Variants in LINC00632 observed in about 807,000 individuals in gnomAD.
LINC00632 encodes long independently transcribed non-coding RNA 632.
chrX:140,714,149 C>T (rs1319145223), intron 2 of LINC00632: 1 of 173,295 alleles, frequency 5.8e-6, no homozygotes, highest in African/African-American at 3.0e-5. Flanking sequence ...ATGAAACAGA[C>T]TTTCCCGAGA....
intron 2 of LINC00632, among the ~76,000 whole-genome samples, chrX:140,712,851 G>C (rs888989308): frequency 1.9e-5 from 2 of 107,275 alleles, no homozygotes; most frequent in African/African-American, 6.9e-5. Context: ...TACTGATTCT[G>C]GGGGGGAAAA....
chrX:140,713,329 T>C (rs1365479753), intron 2 of LINC00632, among the ~76,000 whole-genome samples: 1 of 110,773 alleles, frequency 9.0e-6, no homozygotes, highest in Non-Finnish European at 1.9e-5. Flanking sequence ...GGAATCATAA[T>C]AGTATGAGAA....
At chrX:140,736,555 G>A (rs1931147857) in intron 3 of LINC00632, among the ~76,000 whole-genome samples, 1 of 104,439 alleles carries the variant, frequency 9.6e-6, no homozygotes, top group South Asian at 4.6e-4. Flanking sequence ...TCCTGCCTCA[G>A]CCTCCCGAGT....
intron 2 of LINC00632, among the ~76,000 whole-genome samples, chrX:140,718,259 G>A (rs753500315): frequency 3.6e-5 from 4 of 111,243 alleles, no homozygotes; most frequent in East Asian, 2.8e-4. Flanking sequence ...TACTCCACAC[G>A]AAATTGGACC....
chrX:140,710,005 G>C (rs1178457421), intron 1 of LINC00632, among the ~76,000 whole-genome samples: 1 of 112,004 alleles, frequency 8.9e-6, no homozygotes, highest in Admixed American at 9.5e-5. Context: ...CTTAAATGAT[G>C]GAGTTGCTAG....
At chrX:140,789,842 C>G (rs911438160) in exon 5 of LINC00632, among the ~76,000 whole-genome samples, 2 of 108,833 alleles carry the variant, frequency 1.8e-5, no homozygotes, top group South Asian at 3.9e-4. Flanking sequence ...GATATTGGAG[C>G]TGATATCCTT....
chrX:140,759,336 CCTTCCTTCCTTTCTTT>C (rs1447619132), intron 3 of LINC00632, among the ~76,000 whole-genome samples: 452 of 43,804 alleles, frequency 0.01, 7 homozygotes, highest in African/African-American at 0.027. Context: ...TTCCTTCCTT[CCTTCCTTCCTTTCTTT>C]CTTTCTTTCT....
At chrX:140,763,994 A>G (rs1487890599) in intron 3 of LINC00632, among the ~76,000 whole-genome samples, 2 of 111,040 alleles carry the variant, frequency 1.8e-5, no homozygotes, top group Non-Finnish European at 3.8e-5. Flanking sequence ...GCCGTTTCAC[A>G]ACAGAAACTC....
At chrX:140,724,346 TAC>T (rs1438800703) in intron 2 of LINC00632, among the ~76,000 whole-genome samples, 13 of 52,728 alleles carry the variant, frequency 2.5e-4, no homozygotes, top group African/African-American at 9.6e-4. Context: ...TCCATACACA[TAC>T]ACAGACATGC....
At chrX:140,718,076 C>T (rs936071172) in intron 2 of LINC00632, among the ~76,000 whole-genome samples, 7 of 110,322 alleles carry the variant, frequency 6.3e-5, no homozygotes, top group African/African-American at 1.3e-4. Context: ...GCAGAGGTTG[C>T]GGTGAGCCAA....
chrX:140,718,168 T>C (rs760237880), intron 2 of LINC00632, among the ~76,000 whole-genome samples: 1 of 110,761 alleles, frequency 9.0e-6, no homozygotes, highest in East Asian at 2.9e-4. Context: ...AATGAGTTAA[T>C]GCCTATAAAG....
chrX:140,729,912 T>C (rs113744385), intron 2 of LINC00632, among the ~76,000 whole-genome samples: 4,283 of 102,819 alleles, frequency 0.042, 304 homozygotes, highest in African/African-American at 0.15. Context: ...GAGTCTTGCT[T>C]TGTCACCAGG....
At chrX:140,743,819 AC>A (rs1482231520) in intron 3 of LINC00632, among the ~76,000 whole-genome samples, 1 of 110,817 alleles carries the variant, frequency 9.0e-6, no homozygotes, top group Non-Finnish European at 1.9e-5. Flanking sequence ...CTTTCCCTCC[AC>A]CTCCTCCTCT....
rs139383933 is a variant in LINC00632, at chrX:140,783,916, G to A, written n.11935G>A. On this transcript the variant is annotated non_coding_transcript_exon_variant, in exon 5 of 5. Coordinates refer to ENST00000648200, the Ensembl canonical transcript of LINC00632. ...AATTTGGGTCTTCCTGAAAATCTAC[G>A]TCTTCCAAAAAAGCCATGTCTTCCA... 8.9e-5 allele frequency: 107 copies of A among 1,207,697 alleles called. 1 individual carries two copies. The highest frequency in any genetic ancestry group is 3.4e-4 in the South Asian group (19 of 56,165).
intron 3 of LINC00632, among the ~76,000 whole-genome samples, chrX:140,762,156 A>ATCATCAC (rs1339914452): frequency 2.7e-5 from 3 of 109,621 alleles, no homozygotes; most frequent in Non-Finnish European, 5.7e-5. Context: ...TACTATTATA[A>ATCATCAC]TCATCACTGT....
In LINC00632 at chrX:140,761,355, G is replaced by C. The variant is rs6636113; in HGVS notation, n.192-10723G>C. Among the ~76,000 whole-genome samples the C allele has an allele frequency of 1.6e-3, 180 of 111,236 alleles. 1 individual carries two copies. Among genetic ancestry groups the C allele is most frequent in the African/African-American group, 5.8e-3 (177 of 30,729 alleles). The stretch of plus-strand genomic sequence containing the variant: ...TGTTACAAGACAGAGACATCTTAGT[G>C]AGTACTGGAAACACCCACAAATCTT... On this transcript the variant is annotated intron_variant and non_coding_transcript_variant, in intron 3 of 4. Transcript: ENST00000648200.
At chrX:140,739,511 AC>A (rs1931194017) in intron 3 of LINC00632, among the ~76,000 whole-genome samples, 1 of 110,541 alleles carries the variant, frequency 9.0e-6, no homozygotes, top group Non-Finnish European at 1.9e-5. Context: ...GTAAGCCGCC[AC>A]CCCCATCCAC....
intron 3 of LINC00632, among the ~76,000 whole-genome samples, chrX:140,758,855 T>G (rs1052913039): frequency 8.9e-6 from 1 of 111,782 alleles, no homozygotes; most frequent in African/African-American, 3.2e-5. Flanking sequence ...ATGATAAGCC[T>G]GGTAAGCTCA....
intron 2 of LINC00632, among the ~76,000 whole-genome samples, chrX:140,718,479 C>G (rs1308856818): frequency 9.7e-6 from 1 of 102,705 alleles, no homozygotes; most frequent in Non-Finnish European, 2.0e-5. Flanking sequence ...GTGGCGTGAT[C>G]TCGGCTTATT....
Sources: allele counts gnomAD v4.1 joint callset (sites outside exome capture counted in the v4.1 genomes callset), GRCh38; gene constraint gnomAD v4.1.1; transcripts MANE v1.5; gene names NCBI Gene and HGNC (gene_info 2026-07-23, HGNC 2026-07-21).